The following DIP2C variants were observed in gnomAD, a reference collection of about 807,000 sequenced individuals.
DIP2C encodes disco-interacting protein 2 homolog C.
DIP2C carries 33 observed loss-of-function variants against 192.4 expected under a neutral mutation model. The ratio of observed to expected loss-of-function variants is 0.17; its 90% CI spans 0.13 to 0.23. The LOEUF is 0.23. Ranked by LOEUF, DIP2C falls within the 10% of genes least tolerant of loss-of-function variation. DIP2C has a pLI of 1.00. For synonymous variants in DIP2C, 979 were observed against 864.1 expected, an observed-to-expected ratio of 1.13 and a Z score of -2.33; for missense variants, 1,537 against 2,110.1, an observed-to-expected ratio of 0.73 and a Z score of 5.32.
intron 32 of DIP2C, among the ~76,000 whole-genome samples, chr10:306,682 C>T (rs1396478037): frequency 1.3e-5 from 2 of 152,240 alleles, no homozygotes; most frequent in African/African-American, 4.8e-5. Flanking sequence ...GACTGCTGGC[C>T]TTGGACTGTC....
rs56181109 is a variant in DIP2C, at chr10:304,555, GCACACACA to G, written c.3986+5468_3986+5475del. On this transcript the variant is annotated intron_variant, in intron 32 of 36. Transcript: ENST00000280886. ...TACACATGTATGTATGCACACGAAT[GCACACACA>G]CACACACACACTTCCACATATATGC... Among the ~76,000 whole-genome samples the G allele has an allele frequency of 6.6e-4, 99 of 150,680 alleles. 2 individuals are homozygous for G. Among genetic ancestry groups the G allele is most frequent in the South Asian group, 5.7e-3 (27 of 4,726 alleles).
chr10:387,898 G>A (rs955056561), intron 13 of DIP2C, 89 bp from the exon 14 acceptor site: 1 of 1,312,328 alleles, frequency 7.6e-7, no homozygotes, highest in Non-Finnish European at 1.1e-6. Flanking sequence ...TGCATCAGGG[G>A]AAATAACAGA....
intron 24 of DIP2C, among the ~76,000 whole-genome samples, chr10:355,356 G>T (rs561723628): frequency 6.6e-6 from 1 of 152,318 alleles, no homozygotes; most frequent in East Asian, 1.9e-4. Context: ...GCAGAGAATG[G>T]TCTGATAACT....
intron 28 of DIP2C, 21 bp downstream of exon 28, chr10:344,788 G>A (rs748989312): frequency 2.4e-5 from 38 of 1,563,474 alleles, no homozygotes; most frequent in Middle Eastern, 2.2e-4. Flanking sequence ...CATGGCCACC[G>A]CCCGCAGCCA....
In DIP2C at chr10:286,208, T is replaced by C. The variant is rs1955116162; in HGVS notation, c.4119+65A>G. The stretch of plus-strand genomic sequence containing the variant: ...GAGGGCATGTGAGCAGTTCTGATGG[T>C]GTCAAGGCAAGCCAAGGATACATAA... On this transcript the variant is annotated intron_variant, in intron 34 of 36. Transcript: ENST00000280886. 2.7e-6 allele frequency: 4 copies of C among 1,491,236 alleles called. No individual in the cohort carries two copies. The East Asian group carries it at 6.8e-5, about 25-fold the overall frequency. The allele number at this position is 1,491,236 out of a possible 1,614,324, so 92.4% of individuals were successfully genotyped here.
At chr10:419,222 ATT>A (rs747856127) in intron 5 of DIP2C, 23 bp from the exon 6 acceptor site, 1 of 1,613,870 alleles carries the variant, frequency 6.2e-7, no homozygotes, top group South Asian at 1.1e-5. Context: ...ACATCATGAG[ATT>A]TTCTGGTGGT....
intron 6 of DIP2C, among the ~76,000 whole-genome samples, chr10:417,014 T>C (rs1965686918): frequency 6.6e-6 from 1 of 152,238 alleles, no homozygotes; most frequent in South Asian, 2.1e-4. Context: ...CAAAATGCTC[T>C]ATAGCACTTT....
At chr10:362,793 A>G in intron 21 of DIP2C, 102 bp from the exon 22 acceptor site, 1 of 1,287,692 alleles carries the variant, frequency 7.8e-7, no homozygotes, top group Non-Finnish European at 1.1e-6. Flanking sequence ...AAGTCTGTGC[A>G]GTATAAGCAC....
At chr10:512,173 TTC>T (rs1466564029) in intron 1 of DIP2C, among the ~76,000 whole-genome samples, 1 of 152,242 alleles carries the variant, frequency 6.6e-6, no homozygotes, top group African/African-American at 2.4e-5. Context: ...ACTTCTTTGT[TTC>T]TGTCTTGTTT....
At chr10:309,899 A>C in intron 32 of DIP2C, 132 bp downstream of exon 32, 1 of 868,192 alleles carries the variant, frequency 1.2e-6, no homozygotes, top group South Asian at 1.8e-5. Context: ...CCACCACTTC[A>C]CTCATGAGAC....
At chr10:672,999 T>C (rs1457291135) in intron 1 of DIP2C, among the ~76,000 whole-genome samples, 1 of 152,234 alleles carries the variant, frequency 6.6e-6, no homozygotes, top group Non-Finnish European at 1.5e-5. Context: ...AATGTAAAGT[T>C]CTAAAGGTTC....
Position 399,150 on chromosome 10 carries a change from C to T in DIP2C, c.1219G>A (p.Glu407Lys), listed in dbSNP as rs368102774. Reference protein sequence around the residue: ...MAAFYGCLLAEVVPVPIEVPL... With the variant: ...MAAFYGCLLAKVVPVPIEVPL... ...ACCTCGATGGGCACGGGGACCACCT[C>T]GGCCAGCAGGCAGCCGTAGAAAGCC... Residue 407 changes from glutamate to lysine, a missense_variant, in exon 10 of 37, where the codon GAG becomes AAG. Coordinates refer to ENST00000280886, the MANE Select transcript of DIP2C (RefSeq NM_014974.3). 3.1e-6 allele frequency: 5 copies of T among 1,613,826 alleles called. No homozygotes were observed. Among genetic ancestry groups the T allele is most frequent in the African/African-American group, 2.7e-5 (2 of 74,918 alleles).
At chr10:420,030 C>T (rs948676171) in intron 5 of DIP2C, among the ~76,000 whole-genome samples, 3 of 152,170 alleles carry the variant, frequency 2.0e-5, no homozygotes, top group Admixed American at 6.5e-5. Flanking sequence ...CGCCACGATG[C>T]GGATCGCGAT....
intron 29 of DIP2C, among the ~76,000 whole-genome samples, chr10:331,369 C>T (rs562199709): frequency 2.0e-5 from 3 of 152,272 alleles, no homozygotes; most frequent in Admixed American, 2.0e-4. Context: ...GGGCAATTTT[C>T]CATTTCTTTC....
chr10:618,997 C>T (rs953762220), intron 1 of DIP2C, among the ~76,000 whole-genome samples: 1 of 152,154 alleles, frequency 6.6e-6, no homozygotes, highest in African/African-American at 2.4e-5. Flanking sequence ...CATTTCAGCC[C>T]TCACTGTGTT....
At chr10:440,354 T>C (rs1028327228) in intron 4 of DIP2C, among the ~76,000 whole-genome samples, 11 of 152,072 alleles carry the variant, frequency 7.2e-5, no homozygotes, top group African/African-American at 2.4e-4. Context: ...AAGGGCAGAG[T>C]TGAGTGGTTG....
chr10:461,822 C>A (rs1227726836), intron 3 of DIP2C, among the ~76,000 whole-genome samples: 2 of 152,182 alleles, frequency 1.3e-5, no homozygotes, highest in Non-Finnish European at 2.9e-5. Flanking sequence ...GAAATCATAA[C>A]AAACAGTCTC....
At chr10:377,068 C>T (rs1961688081) in intron 17 of DIP2C, among the ~76,000 whole-genome samples, 1 of 152,070 alleles carries the variant, frequency 6.6e-6, no homozygotes, top group Non-Finnish European at 1.5e-5. Context: ...CTAAAAACAG[C>T]CCATTTTACA....
At chr10:407,610 G>A (rs1373636284) in intron 9 of DIP2C, among the ~76,000 whole-genome samples, 2 of 152,122 alleles carry the variant, frequency 1.3e-5, no homozygotes, top group African/African-American at 4.8e-5. Flanking sequence ...CAGTAGTTTA[G>A]TAATTGCCGT....
Sources: allele counts gnomAD v4.1 joint callset (sites outside exome capture counted in the v4.1 genomes callset), GRCh38; gene constraint gnomAD v4.1.1; transcripts MANE v1.5; gene names NCBI Gene and HGNC (gene_info 2026-07-23, HGNC 2026-07-21).